Variants in TRIO observed in about 807,000 individuals in gnomAD.
TRIO encodes the protein triple functional domain protein.
In TRIO, 58 loss-of-function variants were observed where a neutral mutation model predicts 351.9. The observed-to-expected ratio is 0.16, with a 90% CI of 0.13 to 0.21. The LOEUF (loss-of-function observed/expected upper bound fraction) is 0.21. Ranked by LOEUF, TRIO falls within the 10% of genes least tolerant of loss-of-function variation. TRIO has a pLI of 1.00. For synonymous variants in TRIO, 1,758 were observed against 1,595.7 expected, an observed-to-expected ratio of 1.10 and a Z score of -2.42; for missense variants, 3,201 against 4,027.8, an observed-to-expected ratio of 0.79 and a Z score of 5.56.
chr5:14,339,532 A>G (rs1380302883), intron 11 of TRIO, among the ~76,000 whole-genome samples: 1 of 152,170 alleles, frequency 6.6e-6, no homozygotes, highest in East Asian at 1.9e-4. Context: ...CAGTCTATGA[A>G]AGGCCATCTT....
intron 52 of TRIO, 60 bp from the exon 53 acceptor site, chr5:14,498,459 G>A: frequency 6.3e-7 from 1 of 1,578,214 alleles, no homozygotes. Context: ...GAGGAGGCCA[G>A]CGCTGATGGC....
At chr5:14,167,884 C>T (rs2152123506) in intron 1 of TRIO, among the ~76,000 whole-genome samples, 1 of 152,286 alleles carries the variant, frequency 6.6e-6, no homozygotes, top group African/African-American at 2.4e-5. Context: ...TCATTTCTTA[C>T]TTAGTAGAGA....
chr5:14,480,993 C>T (rs891764363), intron 43 of TRIO, among the ~76,000 whole-genome samples: 2 of 152,030 alleles, frequency 1.3e-5, no homozygotes, highest in Middle Eastern at 6.8e-3. Context: ...TCTTTCAGAA[C>T]TAAAGTGCTG....
intron 11 of TRIO, among the ~76,000 whole-genome samples, chr5:14,340,206 AAC>A (rs1186453182): frequency 2.0e-5 from 3 of 151,992 alleles, no homozygotes; most frequent in South Asian, 2.1e-4. Context: ...CATCCTGGCT[AAC>A]ACACGGTGAA....
rs113307203 is a variant in TRIO at position 14,223,937 on chromosome 5, T to G, written c.158-46888T>G. Among the ~76,000 whole-genome samples the G allele has an allele frequency of 5.6e-3, 858 of 152,332 alleles. 4 individuals carry two copies. Among genetic ancestry groups the G allele is most frequent in the African/African-American group, 0.019 (803 of 41,574 alleles). On this transcript the variant is annotated intron_variant, in intron 1 of 56. Transcript: ENST00000344204. Reference sequence around the variant, plus strand: ...GACTTGGATTCACAAGTGATTACATTTGTTATGCTTGTCTTGATATCCAGG... The same window carrying G: ...GACTTGGATTCACAAGTGATTACATGTGTTATGCTTGTCTTGATATCCAGG...
intron 38 of TRIO, 92 bp from the exon 39 acceptor site, chr5:14,472,500 C>T (rs1754762941): frequency 2.3e-6 from 3 of 1,332,762 alleles, no homozygotes; most frequent in Admixed American, 1.8e-5. Context: ...ACTATTCAGT[C>T]CTGGAAGGAG....
chr5:14,165,390 T>G (rs1788705706), intron 1 of TRIO, among the ~76,000 whole-genome samples: 1 of 152,206 alleles, frequency 6.6e-6, no homozygotes, highest in Non-Finnish European at 1.5e-5. Context: ...CTGTGTTAAT[T>G]AAGATTATGG....
intron 9 of TRIO, among the ~76,000 whole-genome samples, chr5:14,328,435 C>T (rs952976410): frequency 3.3e-5 from 5 of 152,164 alleles, no homozygotes; most frequent in Non-Finnish European, 5.9e-5. Flanking sequence ...AAACAATGTG[C>T]TCAATACACT....
At chr5:14,308,824 A>G (rs1267528022) in intron 8 of TRIO, among the ~76,000 whole-genome samples, 1 of 150,676 alleles carries the variant, frequency 6.6e-6, no homozygotes, top group Non-Finnish European at 1.5e-5. Flanking sequence ...ACATTTATCA[A>G]TCTACCCATC....
intron 48 of TRIO, 147 bp downstream of exon 48, chr5:14,488,407 C>T: frequency 7.9e-7 from 1 of 1,268,462 alleles, no homozygotes; most frequent in Non-Finnish European, 1.1e-6. Context: ...GGCTAACCCT[C>T]CTGCGGGCCG....
chr5:14,364,605 T>C (rs1744434156), intron 14 of TRIO, 45 bp from the exon 15 acceptor site: 1 of 1,568,058 alleles, frequency 6.4e-7, no homozygotes, highest in Non-Finnish European at 8.7e-7. Context: ...GAACAGAAGG[T>C]TGAAGTGCTA....
chr5:14,282,696 A>G (rs917727175), intron 3 of TRIO, among the ~76,000 whole-genome samples: 1 of 152,116 alleles, frequency 6.6e-6, no homozygotes, highest in East Asian at 1.9e-4. Context: ...GTTTTTCTCT[A>G]ATTATTCACC....
At chr5:14,159,594 G>T (rs1788316329) in intron 1 of TRIO, among the ~76,000 whole-genome samples, 1 of 150,422 alleles carries the variant, frequency 6.6e-6, no homozygotes. Flanking sequence ...TTTTGAGATG[G>T]AGTCTTGCTC....
chr5:14,352,799 G>C (rs372377190), intron 11 of TRIO, among the ~76,000 whole-genome samples: 12 of 152,170 alleles, frequency 7.9e-5, no homozygotes, highest in South Asian at 4.1e-4. Flanking sequence ...CTCAGTACCC[G>C]CGCTGGTTTC....
intron 18 of TRIO, among the ~76,000 whole-genome samples, chr5:14,370,236 C>T (rs952844569): frequency 6.6e-5 from 10 of 152,056 alleles, no homozygotes; most frequent in African/African-American, 2.4e-4. Context: ...AGCGGTCCTC[C>T]CGCTTCAGCC....
At chr5:14,417,610 T>C (rs973639430) in intron 33 of TRIO, among the ~76,000 whole-genome samples, 3 of 152,068 alleles carry the variant, frequency 2.0e-5, no homozygotes, top group Non-Finnish European at 4.4e-5. Context: ...TCCTCCCTTC[T>C]CTCACTCCCA....
rs527880710 is a variant in TRIO at position 14,253,585 on chromosome 5, C to T, written c.158-17240C>T. 7.9e-5 allele frequency among the ~76,000 whole-genome samples: 12 copies of T among 152,246 alleles called. No individual in the cohort carries two copies. The South Asian group carries it at 1.0e-3, about 13-fold the overall frequency. On this transcript the variant is annotated intron_variant, in intron 1 of 56. Transcript: ENST00000344204. ...AACTCCTGAGCTCAGGTGATCTGCC[C>T]GCCTTGGCCTCTCAGAGTGCTGGGA... is the stretch of plus-strand genomic sequence containing the variant.
intron 1 of TRIO, among the ~76,000 whole-genome samples, chr5:14,167,457 C>T (rs1377189891): frequency 6.6e-6 from 1 of 152,072 alleles, no homozygotes; most frequent in South Asian, 2.1e-4. Flanking sequence ...ATGAGGCCAA[C>T]CCAGTTTTTC....
chr5:14,290,399 G>C (rs894873191), intron 4 of TRIO, among the ~76,000 whole-genome samples: 7 of 152,160 alleles, frequency 4.6e-5, no homozygotes, highest in African/African-American at 1.7e-4. Context: ...AGTTTAATGT[G>C]TCTGTTATAG....
Sources: allele counts gnomAD v4.1 joint callset (sites outside exome capture counted in the v4.1 genomes callset), GRCh38; gene constraint gnomAD v4.1.1; transcripts MANE v1.5; gene names NCBI Gene and HGNC (gene_info 2026-07-23, HGNC 2026-07-21).